The following RFX4 variants were observed in gnomAD, a reference collection of about 807,000 sequenced individuals.
The protein encoded by RFX4 is regulatory factor X4.
RFX4 carries 10 observed loss-of-function variants against 95.0 expected under a neutral mutation model. That is an observed-to-expected ratio of 0.11 (90% CI 0.06 to 0.18). The LOEUF (loss-of-function observed/expected upper bound fraction) is 0.18. Among genes scored for constraint, RFX4 ranks in the 10% least tolerant of loss-of-function variants. RFX4 has a pLI of 1.00. For missense variants in RFX4, 640 were observed against 922.0 expected (o/e 0.69, Z 3.96); for synonymous variants, 321 against 340.7 (o/e 0.94, Z 0.64).
At chr12:106,678,120 A>G (rs958663620) in intron 4 of RFX4, among the ~76,000 whole-genome samples, 1 of 152,186 alleles carries the variant, frequency 6.6e-6, no homozygotes, top group Non-Finnish European at 1.5e-5. Flanking sequence ...ATAATTCCTC[A>G]AGATCACAGT....
At chr12:106,703,290 C>T (rs999784311) in intron 8 of RFX4, among the ~76,000 whole-genome samples, 1 of 152,188 alleles carries the variant, frequency 6.6e-6, no homozygotes, top group Non-Finnish European at 1.5e-5. Flanking sequence ...AAGTGATGCT[C>T]TTTCCGGCTT....
chr12:106,703,932 G>A lies in RFX4; in HGVS notation c.834-5398G>A, dbSNP rs556509881. 6.6e-5 allele frequency among the ~76,000 whole-genome samples: 10 copies of A among 152,054 alleles called. No individual in the cohort carries two copies. In the South Asian group the frequency reaches 1.7e-3, roughly 25 times the overall value. ...AATACAAAAATTAGCTGGGCGTGGT[G>A]GCAGGCACCTGTAATCCCAGCTACT... is the stretch of plus-strand genomic sequence containing the variant. On this transcript the variant is annotated intron_variant, in intron 8 of 17. Transcript: ENST00000392842.
intron 17 of RFX4, among the ~76,000 whole-genome samples, chr12:106,756,910 A>T (rs1350934902): frequency 6.6e-6 from 1 of 152,152 alleles, no homozygotes; most frequent in Non-Finnish European, 1.5e-5. Context: ...TCTCCCCATT[A>T]TATTCCCATG....
chr12:106,608,764 TTTTC>T (rs776265441), intron 1 of RFX4, 29 bp from the exon 2 acceptor site: 701 of 1,550,612 alleles, frequency 4.5e-4, no homozygotes, highest in Non-Finnish European at 4.6e-4. Context: ...TTTCTTTTTC[TTTTC>T]TTTCTTTCTT....
intron 5 of RFX4, chr12:106,682,771 G>A (rs2041546349): frequency 6.6e-6 from 1 of 152,286 alleles, no homozygotes; most frequent in Non-Finnish European, 1.5e-5. Context: ...GAGTGCAGAA[G>A]GCTGTGCAGA....
intron 6 of RFX4, 85 bp downstream of exon 6, chr12:106,687,182 TCACA>T (rs56006444): frequency 0.21 from 109,149 of 530,218 alleles, 5,456 homozygotes; most frequent in Middle Eastern, 0.23. Flanking sequence ...TCTCTCTCTC[TCACA>T]CACACACACA....
intron 13 of RFX4, among the ~76,000 whole-genome samples, chr12:106,725,782 T>A (rs2042483461): frequency 6.6e-6 from 1 of 151,836 alleles, no homozygotes; most frequent in South Asian, 2.1e-4. Context: ...AAGCACAAAA[T>A]AGCATGGTAG....
chr12:106,743,697 C>A (rs79706518), intron 15 of RFX4, among the ~76,000 whole-genome samples: 245 of 152,322 alleles, frequency 1.6e-3, no homozygotes, highest in Non-Finnish European at 1.9e-3. Context: ...TGCTCCGGGG[C>A]TCACACAAAA....
At chr12:106,611,319 T>C (rs1168833971) in intron 2 of RFX4, among the ~76,000 whole-genome samples, 1 of 152,190 alleles carries the variant, frequency 6.6e-6, no homozygotes, top group East Asian at 1.9e-4. Flanking sequence ...TTTTGATGCA[T>C]CCAATTTAAC....
rs1405430727 is a variant in RFX4 at position 106,639,412 on chromosome 12, A to C, written c.191+20A>C. On this transcript the variant is annotated intron_variant, in intron 3 of 17. Coordinates refer to ENST00000392842, the MANE Select transcript of RFX4 (RefSeq NM_213594.3). ...GCAATGGTAAGTTTCCATTTTTAGC[A>C]AGTTCTGTCTTCAGAGGATGCTCAT... is the stretch of plus-strand genomic sequence containing the variant. 6.2e-7 allele frequency: 1 copy of C among 1,611,354 alleles called. No individual in the cohort carries two copies. Among genetic ancestry groups the C allele is most frequent in the Non-Finnish European group, 8.5e-7 (1 of 1,177,908 alleles).
chr12:106,680,573 C>G (rs1461749286), intron 4 of RFX4, among the ~76,000 whole-genome samples: 1 of 152,068 alleles, frequency 6.6e-6, no homozygotes, highest in Non-Finnish European at 1.5e-5. Context: ...GAGATTCATC[C>G]CCATCCCTAG....
At chr12:106,631,005 T>C (rs1019082265) in intron 2 of RFX4, among the ~76,000 whole-genome samples, 2 of 152,196 alleles carry the variant, frequency 1.3e-5, no homozygotes, top group African/African-American at 4.8e-5. Flanking sequence ...CTCAGACAAA[T>C]TCCTTCACTT....
intron 16 of RFX4, among the ~76,000 whole-genome samples, chr12:106,749,488 G>A (rs1357948328): frequency 6.6e-6 from 1 of 152,128 alleles, no homozygotes; most frequent in Non-Finnish European, 1.5e-5. Context: ...CCCCTGAGCA[G>A]TCAATCGGGC....
At chr12:106,753,493 AC>A (rs1399353169) in intron 17 of RFX4, among the ~76,000 whole-genome samples, 20 of 151,884 alleles carry the variant, frequency 1.3e-4, no homozygotes, top group African/African-American at 4.8e-4. Flanking sequence ...GCGCACGGAG[AC>A]CCTAAGCTCC....
intron 4 of RFX4, among the ~76,000 whole-genome samples, chr12:106,670,101 C>T (rs1295210197): frequency 2.0e-5 from 3 of 152,138 alleles, no homozygotes; most frequent in Non-Finnish European, 1.5e-5. Context: ...ATTATAAACA[C>T]TCAATGCTTG....
At chr12:106,640,489 C>T (rs958608120) in intron 3 of RFX4, among the ~76,000 whole-genome samples, 2 of 152,226 alleles carry the variant, frequency 1.3e-5, no homozygotes, top group African/African-American at 2.4e-5. Flanking sequence ...ACAAGAGCCT[C>T]AGCAGTCAGC....
chr12:106,628,655 A>G lies in RFX4; in HGVS notation c.131-10677A>G, dbSNP rs142754772. 2.0e-3 allele frequency among the ~76,000 whole-genome samples: 298 copies of G among 152,078 alleles called. 3 individuals are homozygous for G. The highest frequency in any genetic ancestry group is 6.8e-3 in the African/African-American group (281 of 41,490). ...TTGAGAAGTCCTGGTCTCACCTCCA[A>G]CTTCCCCCTGCAACACTCTACCCCA... On this transcript the variant is annotated intron_variant, in intron 2 of 17. Coordinates refer to ENST00000392842, the MANE Select transcript of RFX4 (RefSeq NM_213594.3).
At chr12:106,639,869 G>T (rs2040584015) in intron 3 of RFX4, among the ~76,000 whole-genome samples, 1 of 152,098 alleles carries the variant, frequency 6.6e-6, no homozygotes, top group Non-Finnish European at 1.5e-5. Context: ...ATGTTTAAGT[G>T]GTTGCACTTG....
intron 5 of RFX4, among the ~76,000 whole-genome samples, chr12:106,686,209 G>A (rs2041641228): frequency 6.6e-6 from 1 of 152,110 alleles, no homozygotes; most frequent in Non-Finnish European, 1.5e-5. Context: ...TCAGGAGTTT[G>A]AGACCAACCT....
Sources: allele counts gnomAD v4.1 joint callset (sites outside exome capture counted in the v4.1 genomes callset), GRCh38; gene constraint gnomAD v4.1.1; transcripts MANE v1.5; gene names NCBI Gene and HGNC (gene_info 2026-07-23, HGNC 2026-07-21).